The following RELN variants were observed in gnomAD, a reference collection of about 807,000 sequenced individuals.
RELN encodes the protein reelin.
RELN carries 108 observed loss-of-function variants against 427.6 expected under a neutral mutation model. That is an observed-to-expected ratio of 0.25 (90% confidence interval 0.22 to 0.30). The LOEUF (loss-of-function observed/expected upper bound fraction) is 0.30. Among genes scored for constraint, RELN ranks in the 10% least tolerant of loss-of-function variants. The pLI, the probability that RELN is intolerant of heterozygous loss-of-function variation, is 1.00. For synonymous variants in RELN, 1,524 were observed against 1,513.4 expected, an observed-to-expected ratio of 1.01 and a Z score of -0.16; for missense variants, 3,715 against 4,302.8, an observed-to-expected ratio of 0.86 and a Z score of 3.82.
chr7:103,704,318 TA>T (rs563298857), intron 8 of RELN, among the ~76,000 whole-genome samples: 68 of 152,284 alleles, frequency 4.5e-4, no homozygotes, highest in African/African-American at 1.6e-3. Context: ...TTCTGGCTTT[TA>T]AAAAATTTCT....
In RELN at chr7:103,884,045, C is replaced by T. The variant is rs541513528; in HGVS notation, c.337+33030G>A. ...AACTTCAAAGTATACTACAGGGCTA[C>T]GGTAACAAAAACAGCATGGTACTGG... is the stretch of plus-strand genomic sequence containing the variant. On this transcript the variant is annotated intron_variant, in intron 2 of 64. Transcript: ENST00000428762. 8.7e-4 allele frequency among the ~76,000 whole-genome samples: 132 copies of T among 152,198 alleles called. 1 individual carries two copies. The South Asian group carries it at 0.017, about 19-fold the overall frequency.
chr7:103,565,247 T>C, intron 34 of RELN, 31 bp downstream of exon 34: 1 of 1,613,024 alleles, frequency 6.2e-7, no homozygotes, highest in Non-Finnish European at 8.5e-7. Context: ...GCACCCAAAG[T>C]TCTGACATGT....
At chr7:103,742,531 G>C (rs189000671) in intron 6 of RELN, among the ~76,000 whole-genome samples, 2 of 152,128 alleles carry the variant, frequency 1.3e-5, no homozygotes, top group Admixed American at 6.5e-5. Flanking sequence ...AAAATCAGAC[G>C]AATGGATAAC....
chr7:103,720,316 T>A (rs1790044795), intron 8 of RELN, among the ~76,000 whole-genome samples: 1 of 151,984 alleles, frequency 6.6e-6, no homozygotes, highest in Non-Finnish European at 1.5e-5. Flanking sequence ...GTCTTTTGGA[T>A]AACATTTGTT....
At position 103,836,472 on chromosome 7, in the gene RELN, T is replaced by C. The variant is rs139311121; in HGVS notation, c.338-2800A>G. 8.4e-3 allele frequency among the ~76,000 whole-genome samples: 1,284 copies of C among 152,286 alleles called. 15 individuals carry two copies. The highest frequency in any genetic ancestry group is 0.029 in the African/African-American group (1,193 of 41,548). On this transcript the variant is annotated intron_variant, in intron 2 of 64. Transcript: ENST00000428762. ...ATGTCCATCATCATAGAAAGCTCTA[T>C]TGATGTCACCGGCCTTCAAGAAGAC...
Position 103,727,445 on chromosome 7 carries a change from A to C in RELN, c.753+666T>G, listed in dbSNP as rs368124185. Among the ~76,000 whole-genome samples the C allele has an allele frequency of 3.3e-5, 5 of 152,256 alleles. No homozygotes were observed. In the East Asian group the frequency reaches 9.7e-4, roughly 29 times the overall value. ...AGTCTTCATGCCAGAAATAGTTACC[A>C]AATTAACAACAACCAAAAAAAGGCT... On this transcript the variant is annotated intron_variant, in intron 7 of 64. Transcript: ENST00000428762.
chr7:103,710,777 G>A (rs1789775111), intron 8 of RELN, among the ~76,000 whole-genome samples: 3 of 152,238 alleles, frequency 2.0e-5, no homozygotes, highest in Non-Finnish European at 2.9e-5. Flanking sequence ...CGGGCGTGGT[G>A]GCTCATGCCT....
At chr7:103,568,289 C>T (rs1259900667) in intron 31 of RELN, among the ~76,000 whole-genome samples, 1 of 152,114 alleles carries the variant, frequency 6.6e-6, no homozygotes, top group Non-Finnish European at 1.5e-5. Flanking sequence ...GAATTATTGT[C>T]ACTACATCTG....
At chr7:103,875,776 T>A (rs1160551467) in intron 2 of RELN, among the ~76,000 whole-genome samples, 1 of 152,110 alleles carries the variant, frequency 6.6e-6, no homozygotes, top group African/African-American at 2.4e-5. Flanking sequence ...TCTTTCATAA[T>A]TGATGAATGG....
intron 45 of RELN, among the ~76,000 whole-genome samples, chr7:103,537,373 C>T (rs146088680): frequency 3.4e-4 from 52 of 152,302 alleles, no homozygotes; most frequent in African/African-American, 1.2e-3. Context: ...AGCTAATCTT[C>T]GTGAAATACA....
intron 62 of RELN, among the ~76,000 whole-genome samples, chr7:103,483,248 T>C (rs1828304977): frequency 6.6e-6 from 1 of 152,184 alleles, no homozygotes; most frequent in Non-Finnish European, 1.5e-5. Context: ...GCTTTCTGTG[T>C]GACAGACACT....
At position 103,953,220 on chromosome 7, in the gene RELN, C is replaced by A. The variant is rs1328409854; in HGVS notation, c.226+35911G>T. Reference sequence around the variant, plus strand: ...ATGGAAGACAAGCCCTTGAAAGTATCCTCAACTCATATTTATTGCAAACAG... The same window carrying A: ...ATGGAAGACAAGCCCTTGAAAGTATACTCAACTCATATTTATTGCAAACAG... On this transcript the variant is annotated intron_variant, in intron 1 of 64. Coordinates refer to ENST00000428762, the MANE Select transcript of RELN (RefSeq NM_005045.4). The surrounding 1 kb of genome is among the most constrained non-coding windows in gnomAD (Gnocchi z 4.3). Among the ~76,000 whole-genome samples the A allele has an allele frequency of 6.6e-6, 1 of 152,162 alleles. No homozygotes were observed. The highest frequency in any genetic ancestry group is 1.5e-5 in the Non-Finnish European group (1 of 68,036).
At chr7:103,613,953 G>A (rs976349484) in intron 20 of RELN, among the ~76,000 whole-genome samples, 2 of 152,188 alleles carry the variant, frequency 1.3e-5, no homozygotes, top group Non-Finnish European at 2.9e-5. Flanking sequence ...AGGAAATGCT[G>A]TGTTTTATAA....
intron 51 of RELN, among the ~76,000 whole-genome samples, chr7:103,510,491 G>C (rs1334821669): frequency 6.8e-6 from 1 of 147,666 alleles, no homozygotes; most frequent in Non-Finnish European, 1.5e-5. Flanking sequence ...GCCTGTCGGG[G>C]AGTGGAGGAG....
intron 24 of RELN, among the ~76,000 whole-genome samples, chr7:103,602,846 T>C (rs532610591): frequency 4.0e-5 from 6 of 151,870 alleles, no homozygotes; most frequent in African/African-American, 1.4e-4. Flanking sequence ...AATCAAAGAA[T>C]CATAAAGTGG....
intron 2 of RELN, among the ~76,000 whole-genome samples, chr7:103,897,545 T>C (rs1176026176): frequency 2.0e-5 from 3 of 152,032 alleles, no homozygotes; most frequent in Non-Finnish European, 2.9e-5. Context: ...TGATGAAAAA[T>C]GAATATTCCT....
intron 2 of RELN, among the ~76,000 whole-genome samples, chr7:103,849,301 T>C (rs1192632582): frequency 3.3e-5 from 4 of 120,598 alleles, no homozygotes; most frequent in Non-Finnish European, 5.5e-5. Flanking sequence ...GTCTTTCTTA[T>C]TATATCTTAA....
intron 1 of RELN, among the ~76,000 whole-genome samples, chr7:103,948,300 C>T (rs939841792): frequency 3.9e-5 from 6 of 152,130 alleles, no homozygotes; most frequent in African/African-American, 9.7e-5. Flanking sequence ...CACACATATA[C>T]TTACTTCATT....
chr7:103,677,046 AT>A (rs902888069), intron 11 of RELN, among the ~76,000 whole-genome samples: 4 of 151,720 alleles, frequency 2.6e-5, no homozygotes, highest in African/African-American at 7.3e-5. Context: ...AATAAAAAAA[AT>A]GTGCCACATA....
Sources: allele counts gnomAD v4.1 joint callset (sites outside exome capture counted in the v4.1 genomes callset), GRCh38; gene constraint gnomAD v4.1.1; non-coding constraint Gnocchi (gnomAD v3.1); transcripts MANE v1.5; gene names NCBI Gene and HGNC (gene_info 2026-07-23, HGNC 2026-07-21).